CA10: variants seen among roughly 807,000 people sequenced by gnomAD.
CA10 encodes carbonic anhydrase-related protein 10.
CA10 carries 14 observed loss-of-function variants against 44.2 expected under a neutral mutation model. That is an observed-to-expected ratio of 0.32 (90% CI 0.21 to 0.50). CA10 has a LOEUF of 0.50. Among genes scored for constraint, CA10 ranks in the 20% least tolerant of loss-of-function variants. The pLI is 0.99. For missense variants in CA10, 350 were observed against 409.7 expected, an observed-to-expected ratio of 0.85 and a Z score of 1.26; for synonymous variants, 159 against 141.6, an observed-to-expected ratio of 1.12 and a Z score of -0.87.
At chr17:52,019,975 T>C (rs1986084889) in intron 2 of CA10, among the ~76,000 whole-genome samples, 2 of 151,874 alleles carry the variant, frequency 1.3e-5, no homozygotes, top group Admixed American at 6.6e-5. Context: ...AAAAGTTTGT[T>C]ATATCAGTTG....
At chr17:51,903,144 G>A (rs577421843) in intron 3 of CA10, among the ~76,000 whole-genome samples, 8 of 152,124 alleles carry the variant, frequency 5.3e-5, no homozygotes, top group Non-Finnish European at 1.0e-4. Context: ...TAAATCAGAA[G>A]TGATAAATAT....
At chr17:52,099,838 T>C (rs1435173037) in intron 1 of CA10, among the ~76,000 whole-genome samples, 1 of 152,056 alleles carries the variant, frequency 6.6e-6, no homozygotes, top group Non-Finnish European at 1.5e-5. Context: ...CTCAAAGAAG[T>C]GTTTCAAGGA....
At chr17:51,780,613 C>A (rs1323909226) in intron 3 of CA10, among the ~76,000 whole-genome samples, 1 of 152,142 alleles carries the variant, frequency 6.6e-6, no homozygotes, top group Non-Finnish European at 1.5e-5. Context: ...CCTAAATGAA[C>A]AACTGCAATA....
chr17:51,949,963 T>C (rs1043859053), intron 2 of CA10, among the ~76,000 whole-genome samples: 1 of 152,172 alleles, frequency 6.6e-6, no homozygotes, highest in Non-Finnish European at 1.5e-5. Context: ...CATGTGAATA[T>C]TTATTCATAA....
At chr17:52,069,984 T>C (rs1333714191) in intron 2 of CA10, among the ~76,000 whole-genome samples, 2 of 152,166 alleles carry the variant, frequency 1.3e-5, no homozygotes, top group Non-Finnish European at 2.9e-5. Context: ...TAATAAGAGG[T>C]AAGGGGTCCA....
At chr17:52,077,688 A>G (rs1429672112) in intron 1 of CA10, among the ~76,000 whole-genome samples, 4 of 152,194 alleles carry the variant, frequency 2.6e-5, no homozygotes, top group Non-Finnish European at 5.9e-5. Flanking sequence ...GTTTCTAATT[A>G]CATGTGCCTG....
intron 1 of CA10, among the ~76,000 whole-genome samples, chr17:52,119,758 G>T (rs761836578): frequency 3.3e-5 from 5 of 152,196 alleles, no homozygotes; most frequent in Non-Finnish European, 5.9e-5. Context: ...GTCCCATCAT[G>T]ATTTCTTTTT....
intron 3 of CA10, among the ~76,000 whole-genome samples, chr17:51,855,474 C>A (rs1978999425): frequency 6.6e-6 from 1 of 152,118 alleles, no homozygotes; most frequent in South Asian, 2.1e-4. Flanking sequence ...GTATAGTCGA[C>A]CTAGGTGCAA....
chr17:51,831,980 C>T (rs953059422), intron 3 of CA10, among the ~76,000 whole-genome samples: 1 of 152,180 alleles, frequency 6.6e-6, no homozygotes, highest in African/African-American at 2.4e-5. Flanking sequence ...TTGACAAGAT[C>T]TGGCAATGGG....
chr17:51,648,959 A>ACCTTAGGCATTATCATTAG lies in CA10; in HGVS notation c.634+222_634+223insCTAATGATAATGCCTAAGG, dbSNP rs775517599. ...GATAACGATGACCACCATAGTCATA[A>ACCTTAGGCATTATCATTAG]TCATTATCACCTTAGGCATGGATGA... On this transcript the variant is annotated intron_variant, in intron 6 of 8. Coordinates refer to ENST00000451037, the MANE Select transcript of CA10 (RefSeq NM_020178.5). Among the ~76,000 whole-genome samples, 636 of 152,142 alleles carry ACCTTAGGCATTATCATTAG rather than the reference A, an allele frequency of 4.2e-3. 9 individuals carry two copies. The highest frequency in any genetic ancestry group is 0.031 in the Admixed American group (478 of 15,278).
At chr17:51,874,964 T>TCCTTTCTTTTCTTTTC (rs5820884) in intron 3 of CA10, among the ~76,000 whole-genome samples, 2 of 73,330 alleles carry the variant, frequency 2.7e-5, no homozygotes, top group African/African-American at 8.6e-5. Flanking sequence ...TTTTTTCTTT[T>TCCTTTCTTTTCTTTTC]TTTTCTTTTC....
At chr17:51,782,205 AC>A (rs1906090332) in intron 3 of CA10, among the ~76,000 whole-genome samples, 1 of 152,254 alleles carries the variant, frequency 6.6e-6, no homozygotes, top group Admixed American at 6.5e-5. Flanking sequence ...CAAAGAATGT[AC>A]TACTAACTTG....
chr17:52,149,894 G>T (rs1989667730), intron 1 of CA10, among the ~76,000 whole-genome samples: 1 of 152,176 alleles, frequency 6.6e-6, no homozygotes, highest in Non-Finnish European at 1.5e-5. Flanking sequence ...CCTAATGAAG[G>T]ATGCAAACTG....
chr17:51,689,411 G>A (rs920747884), intron 4 of CA10, among the ~76,000 whole-genome samples: 5 of 152,004 alleles, frequency 3.3e-5, no homozygotes, highest in African/African-American at 9.7e-5. Flanking sequence ...CATCAAACAC[G>A]CCCAATGATT....
intron 3 of CA10, among the ~76,000 whole-genome samples, chr17:51,764,657 A>G (rs535851307): frequency 1.3e-5 from 2 of 152,288 alleles, no homozygotes; most frequent in South Asian, 4.1e-4. Context: ...CTGAGAGCCT[A>G]GGAGGCTACA....
Position 52,080,092 on chromosome 17 carries a change from G to GA in CA10, c.62-7700dup, listed in dbSNP as rs541808115. On this transcript the variant is annotated intron_variant, in intron 1 of 8. Transcript: ENST00000451037. ...AAATTATATTTGTGTTGGGAGATAA[G>GA]AAAAAAATATTGATGGCGGGTAGCC... Among the ~76,000 whole-genome samples, 457 of 152,234 alleles carry GA rather than the reference G, an allele frequency of 3.0e-3. 2 individuals carry two copies. Among genetic ancestry groups the GA allele is most frequent in the Non-Finnish European group, 5.4e-3 (364 of 68,000 alleles).
At chr17:51,805,014 A>G (rs938641141) in intron 3 of CA10, among the ~76,000 whole-genome samples, 1 of 152,200 alleles carries the variant, frequency 6.6e-6, no homozygotes, top group Non-Finnish European at 1.5e-5. Context: ...GGGCACCTGC[A>G]TTTCCTGAGT....
rs777532475 is a variant in CA10 at position 51,633,670 on chromosome 17, C to T, written c.790-20G>A. On this transcript the variant is annotated intron_variant, in intron 7 of 8. Coordinates refer to ENST00000451037, the MANE Select transcript of CA10 (RefSeq NM_020178.5). ...ATGCATCTGAGGAGAGAGAAGTGGCCGTGAGATCCAACCATCCTCTTAAAT... is the reference window on the plus strand; with the variant it reads ...ATGCATCTGAGGAGAGAGAAGTGGCTGTGAGATCCAACCATCCTCTTAAAT... 8.7e-6 allele frequency: 14 copies of T among 1,603,814 alleles called. No homozygotes were observed. Among genetic ancestry groups the T allele is most frequent in the African/African-American group, 2.7e-5 (2 of 74,178 alleles).
chr17:52,024,504 TG>T (rs573212528), intron 2 of CA10, among the ~76,000 whole-genome samples: 2 of 101,712 alleles, frequency 2.0e-5, no homozygotes, highest in African/African-American at 7.5e-5. Context: ...CTGGAGTCAG[TG>T]GGGGGTGGGA....
Sources: gnomAD v4.1 joint callset for allele counts (sites outside exome capture counted in the v4.1 genomes callset) on GRCh38, gnomAD v4.1.1 for gene constraint, MANE v1.5 for transcripts, NCBI Gene and HGNC (gene_info 2026-07-23, HGNC 2026-07-21) for gene names.